TFB1M: variants seen among roughly 807,000 people sequenced by gnomAD.
The protein encoded by TFB1M is dimethyladenosine transferase 1, mitochondrial.
In TFB1M, 27 loss-of-function variants were observed where a neutral mutation model predicts 31.1. The ratio of observed to expected loss-of-function variants is 0.87; its 90% CI spans 0.64 to 1.20. TFB1M has a LOEUF of 1.20. TFB1M is among the 50% of genes most tolerant of loss of function. The pLI is 0.00. For missense variants in TFB1M, 394 were observed against 418.7 expected (o/e 0.94, Z 0.51); for synonymous variants, 166 against 151.8 (o/e 1.09, Z -0.69).
chr6:155,236,174 T>A, the TFB1M span, among the ~76,000 whole-genome samples: 2 of 151,904 alleles, frequency 1.3e-5, no homozygotes, highest in African/African-American at 4.8e-5. Context: ...ACCAGAGTCA[T>A]GGCTGTGATT....
Position 155,257,744 on chromosome 6 carries a change from T to G in TFB1M, c.*92A>C, listed in dbSNP as rs752401100. On this transcript the variant is annotated 3_prime_UTR_variant, in exon 7 of 7. Coordinates refer to ENST00000367166, the MANE Select transcript of TFB1M (RefSeq NM_016020.4). ...TCACATCTGGTCATTGGCATTTGTA[T>G]CGTCATTCTGTAAAGACAAAAGAGT... 1 of 1,490,952 alleles carries G rather than the reference T, an allele frequency of 6.7e-7. No homozygotes were observed. Among genetic ancestry groups the G allele is most frequent in the East Asian group, 2.3e-5 (1 of 44,150 alleles). The allele number at this position is 1,490,952 out of a possible 1,614,324, so 92.4% of individuals were successfully genotyped here. A position where few individuals can be genotyped will look rare whatever the true frequency, so the allele number is the denominator to read the frequency against.
At chr6:155,264,156 C>T (rs1390404086) in intron 5 of TFB1M, 1 of 152,098 alleles carries the variant, frequency 6.6e-6, no homozygotes, top group Non-Finnish European at 1.5e-5. Context: ...GGTAAAACAA[C>T]GGAGCAAGAT....
At chr6:155,263,846 C>T (rs1583311396) in intron 5 of TFB1M, among the ~76,000 whole-genome samples, 1 of 151,162 alleles carries the variant, frequency 6.6e-6, no homozygotes, top group South Asian at 2.1e-4. Context: ...GTGTTCAAGA[C>T]CATTAGAGGA....
In TFB1M at chr6:155,291,513, C is replaced by T. The variant is rs1476947836; in HGVS notation, c.546+5440G>A. ...CTCAGGGTTCCTAACAAACATGCAACGGTCCTACGTTTTTATGATGGGAAG... is the reference window on the plus strand; with the variant it reads ...CTCAGGGTTCCTAACAAACATGCAATGGTCCTACGTTTTTATGATGGGAAG... On this transcript the variant is annotated intron_variant, in intron 4 of 6. Transcript: ENST00000367166. Among the ~76,000 whole-genome samples the T allele has an allele frequency of 4.6e-5, 7 of 152,298 alleles. 1 individual carries two copies. In the South Asian group the frequency reaches 8.3e-4, roughly 18 times the overall value.
At chr6:155,269,604 G>A (rs1387773393) in intron 5 of TFB1M, among the ~76,000 whole-genome samples, 1 of 152,080 alleles carries the variant, frequency 6.6e-6, no homozygotes, top group Non-Finnish European at 1.5e-5. Flanking sequence ...TTACAGGTGT[G>A]AGCCACCACG....
downstream of TFB1M, chr6:155,253,891 G>C: frequency 9.8e-7 from 1 of 1,022,062 alleles, no homozygotes; most frequent in African/African-American, 1.6e-5. Flanking sequence ...CTTAACTGAT[G>C]AGATTTCAAC....
chr6:155,244,160 A>ATC, the TFB1M span: 1 of 1,280,018 alleles, frequency 7.8e-7, no homozygotes, highest in South Asian at 1.2e-5. Flanking sequence ...CTATGAGAGT[A>ATC]TCTCTGTTGA....
chr6:155,262,135 C>T (rs1583308799), intron 5 of TFB1M, among the ~76,000 whole-genome samples: 1 of 152,118 alleles, frequency 6.6e-6, no homozygotes, highest in Middle Eastern at 3.4e-3. Flanking sequence ...AGACAAGGGG[C>T]TGTGGAGTGG....
At chr6:155,234,266 C>G in the TFB1M span, among the ~76,000 whole-genome samples, 1 of 152,116 alleles carries the variant, frequency 6.6e-6, no homozygotes, top group Non-Finnish European at 1.5e-5. Flanking sequence ...TCCTCACACT[C>G]CCAGCCCTAA....
At chr6:155,298,702 T>C in intron 2 of TFB1M, 117 bp from the exon 3 acceptor site, 1 of 710,854 alleles carries the variant, frequency 1.4e-6, no homozygotes, top group Non-Finnish European at 2.5e-6. Context: ...CCAGGGGTGA[T>C]CATTAATGAA....
At chr6:155,258,896 G>A (rs1784253087) in intron 6 of TFB1M, among the ~76,000 whole-genome samples, 2 of 85,474 alleles carry the variant, frequency 2.3e-5, no homozygotes, top group Non-Finnish European at 4.7e-5. Context: ...ATGGCAAAGA[G>A]GGCCTGATGA....
intron 5 of TFB1M, among the ~76,000 whole-genome samples, chr6:155,263,034 C>A (rs1046743037): frequency 6.6e-6 from 1 of 152,148 alleles, no homozygotes; most frequent in Non-Finnish European, 1.5e-5. Context: ...TTCTGTAAAA[C>A]TCAGCGTCAA....
chr6:155,250,892 C>A, the TFB1M span: 1 of 1,608,252 alleles, frequency 6.2e-7, no homozygotes, highest in Admixed American at 1.7e-5. Context: ...ATCTTCCTTA[C>A]CTCCTGTTTT....
downstream of TFB1M, chr6:155,253,238 T>C (rs1783780123): frequency 1.9e-6 from 1 of 525,686 alleles, no homozygotes; most frequent in Non-Finnish European, 3.4e-6. Context: ...TAAATGCTGG[T>C]GGATAGCTTT....
chr6:155,310,822 T>G (rs1777984263), intron 2 of TFB1M: 1 of 217,380 alleles, frequency 4.6e-6, no homozygotes, highest in Non-Finnish European at 9.3e-6. Flanking sequence ...TCAAAAGTCA[T>G]ACCAATGAGT....
chr6:155,263,467 C>A (rs1409452371), intron 5 of TFB1M, among the ~76,000 whole-genome samples: 1 of 152,006 alleles, frequency 6.6e-6, no homozygotes, highest in Non-Finnish European at 1.5e-5. Context: ...CCTTTCTAAC[C>A]CTATACGTCA....
the TFB1M span, chr6:155,251,055 C>CAG: frequency 1.3e-6 from 2 of 1,586,186 alleles, no homozygotes; most frequent in Non-Finnish European, 1.7e-6. Flanking sequence ...GCAGACTGAA[C>CAG]AGAGGCTGGG....
the TFB1M span, among the ~76,000 whole-genome samples, chr6:155,241,646 T>G: frequency 3.3e-5 from 5 of 152,220 alleles, no homozygotes; most frequent in Non-Finnish European, 7.3e-5. Context: ...GGACTTCACC[T>G]AAGGCCCTAT....
At chr6:155,253,142 T>C (rs1783773838), downstream of TFB1M, 17 of 1,121,752 alleles carry the variant, frequency 1.5e-5, no homozygotes, top group East Asian at 4.3e-4. Flanking sequence ...TTGGGGATAA[T>C]TTTTGGTGCC....
Sources: allele counts gnomAD v4.1 joint callset (sites outside exome capture counted in the v4.1 genomes callset), GRCh38; gene constraint gnomAD v4.1.1; transcripts MANE v1.5; gene names NCBI Gene and HGNC (gene_info 2026-07-23, HGNC 2026-07-21).